Variants in CDON observed in about 807,000 individuals in gnomAD.
The protein encoded by CDON is cell adhesion associated, oncogene regulated.
Under a neutral mutation model 120.9 loss-of-function variants are expected in CDON, and 73 were observed. The ratio of observed to expected loss-of-function variants is 0.60; its 90% CI spans 0.50 to 0.73. The LOEUF (loss-of-function observed/expected upper bound fraction) is 0.73, where lower values mean the gene tolerates loss of function less well. Among genes scored for constraint, CDON ranks in the 30% least tolerant of loss-of-function variants. The pLI is 0.00. For synonymous variants in CDON, 566 were observed against 573.5 expected (o/e 0.99, Z 0.19); for missense variants, 1,470 against 1,587.3 (o/e 0.93, Z 1.26).
chr11:125,994,918 C>T lies in CDON; in HGVS notation c.2497G>A (p.Ala833Thr). ...GTATCGCTGACAGCCTCTGTGTATGCAATGTGAGGTCCAGTTATTGGACGG... is the reference window on the plus strand; with the variant it reads ...GTATCGCTGACAGCCTCTGTGTATGTAATGTGAGGTCCAGTTATTGGACGG... The part of the protein sequence containing the change: ...SSRPITGPHI[A>T]YTEAVSDTQI... The change falls in exon 13 of 20, where the codon GCA becomes ACA. Residue 833 changes from alanine (A) to threonine (T), a missense_variant. Ala to Thr is a moderately conservative substitution (Grantham distance 58). Transcript: ENST00000531738. The T allele has an allele frequency of 1.2e-6, 2 of 1,614,082 alleles. No homozygotes were observed. The highest frequency in any genetic ancestry group is 1.7e-6 in the Non-Finnish European group (2 of 1,179,958).
intron 2 of CDON, among the ~76,000 whole-genome samples, chr11:126,022,523 C>T (rs1947672183): frequency 6.6e-6 from 1 of 152,052 alleles, no homozygotes. Flanking sequence ...TCCTTCTGTT[C>T]CAACCCGAGA....
Position 125,981,077 on chromosome 11 carries a change from T to C in CDON, c.3248A>G (p.Asp1083Gly), listed in dbSNP as rs1353565667. The change falls in exon 17 of 20, where the codon GAT becomes GGT. Residue 1083 changes from aspartate to glycine, a missense_variant. Coordinates refer to ENST00000531738, the MANE Select transcript of CDON (RefSeq NM_001378964.1). ...CACTAGATGATGAGGATGTTCAAAA[T>C]CCACGTGTGTCCTGGTTAGAGAGTT... ...HSNSLTRTHV[D>G]FEHPHHLVNG... The C allele has an allele frequency of 2.5e-6, 4 of 1,614,044 alleles. No homozygotes were observed. In the South Asian group the frequency reaches 4.4e-5, roughly 18 times the overall value.
intron 1 of CDON, among the ~76,000 whole-genome samples, chr11:126,059,677 T>A (rs1948752128): frequency 6.6e-6 from 1 of 152,090 alleles, no homozygotes; most frequent in Non-Finnish European, 1.5e-5. Flanking sequence ...GCGAGTCTGT[T>A]CCATTTAATC....
At chr11:126,005,221 G>A (rs965196404) in intron 9 of CDON, among the ~76,000 whole-genome samples, 1 of 150,162 alleles carries the variant, frequency 6.7e-6, no homozygotes, top group Non-Finnish European at 1.5e-5. Context: ...AGAACTGCTG[G>A]AACCCGGGAG....
intron 8 of CDON, among the ~76,000 whole-genome samples, chr11:126,009,406 C>T (rs994601582): frequency 6.6e-6 from 1 of 152,142 alleles, no homozygotes; most frequent in African/African-American, 2.4e-5. Flanking sequence ...GGCGGATGGG[C>T]CAGGGGAGAG....
intron 6 of CDON, 67 bp from the exon 7 acceptor site, chr11:126,015,577 G>A: frequency 1.3e-6 from 2 of 1,506,836 alleles, no homozygotes; most frequent in African/African-American, 1.4e-5. Context: ...TCACTCGAGT[G>A]ATAAAAATCT....
intron 1 of CDON, among the ~76,000 whole-genome samples, chr11:126,036,406 A>G (rs1410800571): frequency 6.6e-6 from 1 of 152,214 alleles, no homozygotes; most frequent in Non-Finnish European, 1.5e-5. Flanking sequence ...TGGCACAACA[A>G]GAGTAACAAG....
intron 18 of CDON, among the ~76,000 whole-genome samples, chr11:125,977,808 C>T (rs904293580): frequency 6.9e-6 from 1 of 144,036 alleles, no homozygotes; most frequent in African/African-American, 2.6e-5. Flanking sequence ...GGGTTTGCTG[C>T]TTAATTTTCT....
Position 126,016,487 on chromosome 11 carries a change from C to T in CDON, c.928+601G>A, listed in dbSNP as rs185823274. ...TGGCTCTGTCGCCCAGACTGGAGTG[C>T]GGTGGCGTGATCTCAGCTCACTGCA... On this transcript the variant is annotated intron_variant, in intron 6 of 19. Transcript: ENST00000531738. 4.7e-4 allele frequency among the ~76,000 whole-genome samples: 71 copies of T among 152,214 alleles called. No individual in the cohort carries two copies. The East Asian group carries it at 0.012, about 27-fold the overall frequency.
chr11:126,033,181 G>A (rs1262445576), intron 1 of CDON, among the ~76,000 whole-genome samples: 1 of 152,174 alleles, frequency 6.6e-6, no homozygotes, highest in Non-Finnish European at 1.5e-5. Flanking sequence ...TGAGTGAGTG[G>A]ATGATGTGCA....
At chr11:126,006,391 G>C (rs1377445146) in intron 8 of CDON, among the ~76,000 whole-genome samples, 1 of 152,184 alleles carries the variant, frequency 6.6e-6, no homozygotes. Context: ...AAGTTGGCCA[G>C]GCATGGTGGC....
rs527430031 is a variant in CDON, at chr11:126,020,488, G to A, written c.350-723C>T. 1.8e-3 allele frequency among the ~76,000 whole-genome samples: 271 copies of A among 152,208 alleles called. 2 individuals carry two copies. The highest frequency in any genetic ancestry group is 5.5e-3 in the African/African-American group (227 of 41,524). ...CTCAAAGCACTCAGCAGCCTGCCAC[G>A]AGGAATTCAGCCCTCCAGTGTGTGT... is the stretch of plus-strand genomic sequence containing the variant. On this transcript the variant is annotated intron_variant, in intron 3 of 19. Transcript: ENST00000531738.
At chr11:126,047,730 G>A (rs1170900432) in intron 1 of CDON, among the ~76,000 whole-genome samples, 1 of 152,144 alleles carries the variant, frequency 6.6e-6, no homozygotes, top group Admixed American at 6.5e-5. Flanking sequence ...ACTAGAATAT[G>A]GTGGAGCCTG....
intron 4 of CDON, 121 bp from the exon 5 acceptor site, chr11:126,018,594 G>T: frequency 2.3e-6 from 2 of 863,812 alleles, no homozygotes; most frequent in Non-Finnish European, 3.8e-6. Flanking sequence ...TAGAGATGGG[G>T]GTCTCATTCT....
rs111361855 is a variant in CDON at position 125,965,463 on chromosome 11, C to T, written c.3357-3465G>A. On this transcript the variant is annotated intron_variant, in intron 18 of 19. Coordinates refer to ENST00000531738, the MANE Select transcript of CDON (RefSeq NM_001378964.1). ...CACTTTTCTTCTGGAGGCATCTGCTCGATTCAGTGCAGGAGGAAACAAGGT... is the reference window on the plus strand; with the variant it reads ...CACTTTTCTTCTGGAGGCATCTGCTTGATTCAGTGCAGGAGGAAACAAGGT... 1.1e-3 allele frequency among the ~76,000 whole-genome samples: 172 copies of T among 152,164 alleles called. 2 individuals are homozygous for T. The highest frequency in any genetic ancestry group is 2.2e-3 in the African/African-American group (92 of 41,516).
intron 1 of CDON, among the ~76,000 whole-genome samples, chr11:126,040,974 A>G (rs1948246040): frequency 6.6e-6 from 1 of 151,760 alleles, no homozygotes; most frequent in South Asian, 2.1e-4. Context: ...GCGGATCACA[A>G]GGTCAGGAGT....
intron 15 of CDON, among the ~76,000 whole-genome samples, chr11:125,988,273 C>T (rs1946525078): frequency 6.6e-6 from 1 of 152,134 alleles, no homozygotes; most frequent in South Asian, 2.1e-4. Flanking sequence ...GATATGATAA[C>T]ACTTTAAAGG....
intron 14 of CDON, among the ~76,000 whole-genome samples, chr11:125,992,688 T>C (rs1441675285): frequency 6.6e-6 from 1 of 152,264 alleles, no homozygotes; most frequent in Non-Finnish European, 1.5e-5. Context: ...TTTCTCATTA[T>C]ATTACAAAAG....
chr11:126,003,997 T>C lies in CDON; in HGVS notation c.1931A>G (p.Glu644Gly), dbSNP rs1305726788. 3 of 1,614,000 alleles carry C rather than the reference T, an allele frequency of 1.9e-6. No homozygotes were observed. The highest frequency in any genetic ancestry group is 3.3e-5 in the Admixed American group (2 of 60,004). ...TTCATAAAGACTAGATGGCTCCAGC[T>C]CAGCTAAATGGAGCTCATTTTCACT... ...PGSENELHLA[E>G]LEPSSLYEVL... Residue 644 changes from glutamate (E) to glycine (G), a missense_variant, in exon 10 of 20, where the codon GAG (glutamate) becomes GGG (glycine). Physicochemically the swap from Glu to Gly is moderately conservative, Grantham distance 98. Transcript: ENST00000531738.
Sources: gnomAD v4.1 joint callset for allele counts (sites outside exome capture counted in the v4.1 genomes callset) on GRCh38, gnomAD v4.1.1 for gene constraint, MANE v1.5 for transcripts, NCBI Gene and HGNC (gene_info 2026-07-23, HGNC 2026-07-21) for gene names.